Variants in ARHGEF1 observed in about 807,000 individuals in gnomAD.
The protein encoded by ARHGEF1 is 115 kDa guanine nucleotide exchange factor.
In ARHGEF1, 40 loss-of-function variants were observed where a neutral mutation model predicts 119.7. That is an observed-to-expected ratio of 0.33 (90% CI 0.26 to 0.44). ARHGEF1 has a LOEUF of 0.44. Ranked by LOEUF, ARHGEF1 falls within the 20% of genes least tolerant of loss-of-function variation. The pLI is 1.00. For synonymous variants in ARHGEF1, 494 were observed against 521.0 expected, an observed-to-expected ratio of 0.95 and a Z score of 0.71; for missense variants, 976 against 1,268.3, an observed-to-expected ratio of 0.77 and a Z score of 3.50.
In ARHGEF1 at chr19:41,888,118, G is replaced by A. The variant is rs528062881; in HGVS notation, c.24+12G>A. ...TCGCCCGAGGGGCGGTGAGTGGACAGAGCAAGGGGTGAGGCGACTCTGGGG... is the reference window on the plus strand; with the variant it reads ...TCGCCCGAGGGGCGGTGAGTGGACAAAGCAAGGGGTGAGGCGACTCTGGGG... On this transcript the variant is annotated intron_variant, in intron 2 of 28. Coordinates refer to ENST00000354532, the MANE Select transcript of ARHGEF1 (RefSeq NM_004706.4). This position sits in a 1 kb window ranked among gnomAD's most constrained non-coding sequence, Gnocchi z 5.1. The A allele has an allele frequency of 1.2e-6, 2 of 1,614,038 alleles. No individual in the cohort carries two copies. The highest frequency in any genetic ancestry group is 1.1e-5 in the South Asian group (1 of 91,066).
intron 12 of ARHGEF1, among the ~76,000 whole-genome samples, 179 bp from the exon 13 acceptor site, chr19:41,896,198 C>A (rs2074482399): frequency 6.6e-6 from 1 of 152,150 alleles, no homozygotes; most frequent in Non-Finnish European, 1.5e-5. Context: ...TGCTCCTGCC[C>A]CTAGTGGCCA....
At chr19:41,907,481 C>A, downstream of ARHGEF1, 2 of 1,398,956 alleles carry the variant, frequency 1.4e-6, no homozygotes, top group South Asian at 1.4e-5. Flanking sequence ...CGGGGTGGGG[C>A]CTGGCATGGC....
chr19:41,919,324 A>C (rs1045407008), upstream of ARHGEF1, among the ~76,000 whole-genome samples: 13 of 152,196 alleles, frequency 8.5e-5, no homozygotes, highest in Admixed American at 8.5e-4. Context: ...GAAGTTGCAG[A>C]CACATGCGCC....
At position 41,888,979 on chromosome 19, in the gene ARHGEF1, C is replaced by A; in HGVS notation, c.225+114C>A. On this transcript the variant is annotated intron_variant, in intron 4 of 28. Coordinates refer to ENST00000354532, the MANE Select transcript of ARHGEF1 (RefSeq NM_004706.4). This position sits in a 1 kb window ranked among gnomAD's most constrained non-coding sequence, Gnocchi z 5.1. The stretch of plus-strand genomic sequence containing the variant: ...AGGGTCTGGAAAAGCAGATCTAGAA[C>A]ACAGAGAGCCAGATCTAGAAAGAGA... 2 of 819,420 alleles carry A rather than the reference C, an allele frequency of 2.4e-6. No individual in the cohort carries two copies. Among genetic ancestry groups the A allele is most frequent in the Non-Finnish European group, 3.8e-6 (2 of 525,332 alleles). 50.8% of individuals were successfully genotyped at this position (819,420 alleles called of 1,614,324 possible). A position where few individuals can be genotyped will look rare whatever the true frequency, so the allele number is the denominator to read the frequency against.
chr19:41,921,160 G>A (rs542663684), upstream of ARHGEF1, among the ~76,000 whole-genome samples: 125 of 152,270 alleles, frequency 8.2e-4, no homozygotes, highest in African/African-American at 2.9e-3. This position sits in a 1 kb window ranked among gnomAD's most constrained non-coding sequence, Gnocchi z 4.4. Context: ...ACCGTGAGGC[G>A]AGGCGGAGGG....
At chr19:41,921,320 G>A (rs1555852465), upstream of ARHGEF1, among the ~76,000 whole-genome samples, 2 of 152,132 alleles carry the variant, frequency 1.3e-5, no homozygotes, top group African/African-American at 4.8e-5. This position sits in a 1 kb window ranked among gnomAD's most constrained non-coding sequence, Gnocchi z 4.4. Flanking sequence ...CGTGATACAT[G>A]GAGAACTGAG....
chr19:41,905,915 C>A lies in ARHGEF1; in HGVS notation c.2405-24C>A. The A allele has an allele frequency of 6.2e-7, 1 of 1,613,656 alleles. No homozygotes were observed. Among genetic ancestry groups the A allele is most frequent in the Non-Finnish European group, 8.5e-7 (1 of 1,179,572 alleles). On this transcript the variant is annotated intron_variant, in intron 25 of 28. Transcript: ENST00000354532. The surrounding 1 kb of genome is among the most constrained non-coding windows in gnomAD (Gnocchi z 6.4). ...CACAGGAGGCCCGGCAGGATCTGAG[C>A]TCCCTCTCTGTTCCCCAATCCAGCC...
At chr19:41,897,214 C>T (rs1555847991) in intron 13 of ARHGEF1, 1 of 1,195,502 alleles carries the variant, frequency 8.4e-7, no homozygotes, top group Admixed American at 2.3e-5. Flanking sequence ...TGCCTCCTGC[C>T]CGTCCTTGTG....
At position 41,903,621 on chromosome 19, in the gene ARHGEF1, C is replaced by T. The variant is rs2074640744; in HGVS notation, c.1840-86C>T. ...CAGCTTGCCCGCATCAGAAGTTGGT[C>T]TTGGCTCTCATCTTACCAATGTGGG... On this transcript the variant is annotated intron_variant, in intron 19 of 28. Coordinates refer to ENST00000354532, the MANE Select transcript of ARHGEF1 (RefSeq NM_004706.4). The surrounding 1 kb of genome is among the most constrained non-coding windows in gnomAD (Gnocchi z 4.2). 3 of 1,456,000 alleles carry T rather than the reference C, an allele frequency of 2.1e-6. No homozygotes were observed. The highest frequency in any genetic ancestry group is 2.8e-6 in the Non-Finnish European group (3 of 1,053,378). 90.2% of individuals were successfully genotyped at this position (1,456,000 alleles called of 1,614,324 possible). A position where few individuals can be genotyped will look rare whatever the true frequency, so the allele number is the denominator to read the frequency against.
chr19:41,915,131 C>T (rs1599675329), intron 18 of ARHGEF1, among the ~76,000 whole-genome samples: 2 of 112,806 alleles, frequency 1.8e-5, no homozygotes, highest in Admixed American at 8.7e-5. Flanking sequence ...TTCCTCCCCC[C>T]GCCCCCACCC....
At chr19:41,909,345 G>A, downstream of ARHGEF1, 1 of 1,235,940 alleles carries the variant, frequency 8.1e-7, no homozygotes, top group Non-Finnish European at 1.0e-6. The surrounding 1 kb of genome is among the most constrained non-coding windows in gnomAD (Gnocchi z 5.2). Flanking sequence ...GCAAGAGTGG[G>A]GAGCCAGTGG....
At position 41,894,267 on chromosome 19, in the gene ARHGEF1, T is replaced by C; in HGVS notation, c.705T>C (p.Ser235=). Residue 235 remains serine (S), a synonymous_variant, in exon 9 of 29, where the codon AGT becomes AGC. Transcript: ENST00000354532. The stretch of plus-strand genomic sequence containing the variant: ...GCCACCTTGGGGTGCGGACCAAGAG[T>C]GGAGACAAGAAGTCGGGGAGGAACT... ...YMRHLGVRTK[S]GDKKSGRNFF... is the part of the protein sequence containing the mutation. 6.4e-7 allele frequency: 1 copy of C among 1,569,218 alleles called. No homozygotes were observed. The highest frequency in any genetic ancestry group is 8.7e-7 in the Non-Finnish European group (1 of 1,152,830).
In ARHGEF1 at chr19:41,916,769, C is replaced by T. The variant is rs952495059; in HGVS notation, c.1866-6323C>T. On this transcript the variant is annotated intron_variant, in intron 18 of 20. Transcript: ENST00000599589. The surrounding 1 kb of genome is among the most constrained non-coding windows in gnomAD (Gnocchi z 5.4). ...AACCCAGACAGCCAACGCACACGGC[C>T]ACACACACACCCATTCACAGACACA... is the stretch of plus-strand genomic sequence containing the variant. Among the ~76,000 whole-genome samples the T allele has an allele frequency of 1.3e-5, 2 of 151,994 alleles. No individual in the cohort carries two copies. The highest frequency in any genetic ancestry group is 2.9e-5 in the Non-Finnish European group (2 of 68,004).
rs564725176 is a variant in ARHGEF1 at position 41,894,782 on chromosome 19, G to C, written c.877+121G>C. On this transcript the variant is annotated intron_variant, in intron 11 of 28. Coordinates refer to ENST00000354532, the MANE Select transcript of ARHGEF1 (RefSeq NM_004706.4). ...TGGACGCCTGGTTCTGAGGGAGGAG[G>C]GGATGGGGGCCTGGACACCTGGGTC... 47 of 1,238,092 alleles carry C rather than the reference G, an allele frequency of 3.8e-5. 1 individual carries two copies. In the South Asian group the frequency reaches 4.7e-4, roughly 12 times the overall value. 76.7% of individuals were successfully genotyped at this position (1,238,092 alleles called of 1,614,324 possible). A position where few individuals can be genotyped will look rare whatever the true frequency, so the allele number is the denominator to read the frequency against.
Position 41,903,274 on chromosome 19 carries a change from G to A in ARHGEF1, c.1739-33G>A. ...CCAATCTGGAGCCTCCAGGGCAGGG[G>A]TTCACCAGAGCTGCTCTCTCCCTTG... On this transcript the variant is annotated intron_variant, in intron 18 of 28. Transcript: ENST00000354532. The surrounding 1 kb of genome is among the most constrained non-coding windows in gnomAD (Gnocchi z 4.2). The A allele has an allele frequency of 1.9e-6, 3 of 1,602,694 alleles. No homozygotes were observed. Among genetic ancestry groups the A allele is most frequent in the African/African-American group, 1.3e-5 (1 of 74,848 alleles).
At chr19:41,908,033 C>T, downstream of ARHGEF1, 1 of 438,614 alleles carries the variant, frequency 2.3e-6, no homozygotes, top group Non-Finnish European at 3.8e-6. The surrounding 1 kb of genome is among the most constrained non-coding windows in gnomAD (Gnocchi z 6.7). Context: ...CGGAGGCCAT[C>T]ACATTCCCTC....
intron 13 of ARHGEF1, chr19:41,896,870 C>CCTCTCTCACCTCCCCCCTCCT (rs1195872135): frequency 3.3e-6 from 1 of 301,406 alleles, no homozygotes; most frequent in African/African-American, 6.8e-5. Context: ...CCTACCCCCT[C>CCTCTCTCACCTCCCCCCTCCT]CTCTCACCTC....
upstream of ARHGEF1, among the ~76,000 whole-genome samples, chr19:41,921,159 C>T (rs1332882673): frequency 6.6e-6 from 1 of 151,998 alleles, no homozygotes; most frequent in Non-Finnish European, 1.5e-5. The surrounding 1 kb of genome is among the most constrained non-coding windows in gnomAD (Gnocchi z 4.4). Flanking sequence ...CACCGTGAGG[C>T]GAGGCGGAGG....
At chr19:41,919,738 G>T (rs556113630), upstream of ARHGEF1, among the ~76,000 whole-genome samples, 1 of 152,052 alleles carries the variant, frequency 6.6e-6, no homozygotes, top group Non-Finnish European at 1.5e-5. Context: ...CACTCACTTG[G>T]TCCTTCCACC....
Sources: gnomAD v4.1 joint callset for allele counts (sites outside exome capture counted in the v4.1 genomes callset) on GRCh38, gnomAD v4.1.1 for gene constraint, Gnocchi (gnomAD v3.1) non-coding constraint, MANE v1.5 for transcripts, NCBI Gene and HGNC (gene_info 2026-07-23, HGNC 2026-07-21) for gene names.